The following KIAA0825 variants were observed in gnomAD, a reference collection of about 807,000 sequenced individuals.
KIAA0825 encodes uncharacterized protein KIAA0825.
Under a neutral mutation model 147.6 loss-of-function variants are expected in KIAA0825, and 119 were observed. That is an observed-to-expected ratio of 0.81 (90% CI 0.69 to 0.94). The LOEUF (loss-of-function observed/expected upper bound fraction) is 0.94. KIAA0825 is among the 40% of genes least tolerant of loss of function. The pLI is 0.00. For synonymous variants in KIAA0825, 470 were observed against 518.1 expected, an observed-to-expected ratio of 0.91 and a Z score of 1.26; for missense variants, 1,381 against 1,472.7, an observed-to-expected ratio of 0.94 and a Z score of 1.02.
At chr5:94,470,895 C>T (rs973778580) in intron 9 of KIAA0825, among the ~76,000 whole-genome samples, 1 of 152,002 alleles carries the variant, frequency 6.6e-6, no homozygotes, top group African/African-American at 2.4e-5. Context: ...CAAGAAAGAC[C>T]ATATGATAAT....
chr5:94,201,122 G>A (rs1161313282), intron 20 of KIAA0825, among the ~76,000 whole-genome samples: 2 of 150,310 alleles, frequency 1.3e-5, no homozygotes, highest in Admixed American at 6.6e-5. Context: ...TATTTTGGTT[G>A]AAGTGGAAGG....
intron 2 of KIAA0825, among the ~76,000 whole-genome samples, chr5:94,541,598 T>C (rs773960537): frequency 6.6e-6 from 1 of 152,244 alleles, no homozygotes; most frequent in Non-Finnish European, 1.5e-5. Flanking sequence ...ATTCAGTGTT[T>C]CCATACATTG....
At chr5:94,404,594 A>T (rs746819602) in intron 15 of KIAA0825, among the ~76,000 whole-genome samples, 54 of 152,156 alleles carry the variant, frequency 3.5e-4, no homozygotes, top group Admixed American at 1.3e-4. Flanking sequence ...GAATAGAGTA[A>T]CAGCCCTAAA....
intron 3 of KIAA0825, among the ~76,000 whole-genome samples, chr5:94,529,382 A>C (rs1018180843): frequency 3.4e-5 from 5 of 147,266 alleles, no homozygotes; most frequent in African/African-American, 1.2e-4. Flanking sequence ...TATATCTCAT[A>C]TATGTATATA....
chr5:94,280,352 T>G (rs1195272138), intron 20 of KIAA0825, among the ~76,000 whole-genome samples: 3 of 152,102 alleles, frequency 2.0e-5, no homozygotes, highest in African/African-American at 7.2e-5. Flanking sequence ...TTGTTTTGGG[T>G]TCGGTTAGCC....
At chr5:94,188,414 A>C (rs1211235815) in intron 20 of KIAA0825, among the ~76,000 whole-genome samples, 2 of 152,182 alleles carry the variant, frequency 1.3e-5, no homozygotes, top group Non-Finnish European at 2.9e-5. Context: ...AATACCTGTT[A>C]GTAAAAATAA....
intron 20 of KIAA0825, among the ~76,000 whole-genome samples, chr5:94,217,183 A>T (rs1773279166): frequency 6.6e-6 from 1 of 152,226 alleles, no homozygotes. Context: ...TTTAAAATTT[A>T]AATTATTCAT....
intron 20 of KIAA0825, among the ~76,000 whole-genome samples, chr5:94,199,402 C>T (rs147728556): frequency 1.3e-5 from 2 of 152,282 alleles, no homozygotes; most frequent in African/African-American, 4.8e-5. Context: ...AGGTCAAGCA[C>T]CTGTTGCACC....
chr5:94,496,553 A>C (rs1325070197), intron 5 of KIAA0825, among the ~76,000 whole-genome samples: 1 of 152,188 alleles, frequency 6.6e-6, no homozygotes, highest in African/African-American at 2.4e-5. Context: ...ATGGTAGGGT[A>C]GATGTACCTG....
chr5:94,551,290 C>T (rs1003903731), intron 2 of KIAA0825, among the ~76,000 whole-genome samples: 7 of 151,886 alleles, frequency 4.6e-5, no homozygotes, highest in Non-Finnish European at 1.0e-4. Context: ...ATATACAAAC[C>T]TTATTTAATA....
chr5:94,615,452 A>G (rs1319693907), intron 1 of KIAA0825: 8 of 152,212 alleles, frequency 5.3e-5, no homozygotes, highest in Admixed American at 3.3e-4. Context: ...CATTCAAATC[A>G]TAGCTGTGTT....
intron 2 of KIAA0825, among the ~76,000 whole-genome samples, chr5:94,541,682 G>T (rs1286180720): frequency 6.6e-6 from 1 of 152,144 alleles, no homozygotes; most frequent in East Asian, 1.9e-4. Context: ...ACTTGTAAAG[G>T]GTTATAAAAG....
rs567551790 is a variant in KIAA0825, at chr5:94,278,832, T to C, written c.3710+105536A>G. 5.3e-3 allele frequency among the ~76,000 whole-genome samples: 138 copies of C among 25,796 alleles called. 3 individuals carry two copies. The highest frequency in any genetic ancestry group is 0.025 in the Admixed American group (63 of 2,544). The allele number at this position is 25,796 out of a possible 152,430, so 16.9% of individuals were successfully genotyped here. ...TCTGTTTTGTCTCAAATTATCTGAA[T>C]ACTTTCCTAAATTTCAATTCTGTTC... On this transcript the variant is annotated intron_variant, in intron 20 of 20. Coordinates refer to ENST00000682413, the MANE Select transcript of KIAA0825 (RefSeq NM_001145678.3).
At chr5:94,424,222 T>C (rs1198967342) in intron 14 of KIAA0825, among the ~76,000 whole-genome samples, 1 of 152,138 alleles carries the variant, frequency 6.6e-6, no homozygotes, top group Non-Finnish European at 1.5e-5. Flanking sequence ...ATAAAACTTA[T>C]ATTAAATATA....
chr5:94,213,764 C>T (rs1026347991), intron 20 of KIAA0825, among the ~76,000 whole-genome samples: 3 of 152,178 alleles, frequency 2.0e-5, no homozygotes, highest in Non-Finnish European at 4.4e-5. Flanking sequence ...TCTAGCCTGG[C>T]CTGGCCAACT....
chr5:94,310,484 T>C (rs566699322), intron 20 of KIAA0825, among the ~76,000 whole-genome samples: 1 of 151,892 alleles, frequency 6.6e-6, no homozygotes, highest in African/African-American at 2.4e-5. Context: ...TTATATTTTT[T>C]AAAATAGTTT....
At chr5:94,452,168 A>C (rs1338774938) in intron 13 of KIAA0825, among the ~76,000 whole-genome samples, 2 of 152,176 alleles carry the variant, frequency 1.3e-5, no homozygotes, top group Non-Finnish European at 2.9e-5. Context: ...TTCATTACCC[A>C]TATGGAAATA....
At chr5:94,330,453 A>G (rs1174558958) in intron 20 of KIAA0825, among the ~76,000 whole-genome samples, 3 of 152,192 alleles carry the variant, frequency 2.0e-5, no homozygotes, top group Non-Finnish European at 4.4e-5. Flanking sequence ...CAAATATTAA[A>G]AATGTAAATA....
intron 14 of KIAA0825, among the ~76,000 whole-genome samples, chr5:94,429,765 C>T (rs1755412716): frequency 6.6e-6 from 1 of 152,190 alleles, no homozygotes; most frequent in African/African-American, 2.4e-5. Flanking sequence ...AGGGAAAATC[C>T]AATGAAGCAG....
Sources: allele counts gnomAD v4.1 joint callset (sites outside exome capture counted in the v4.1 genomes callset), GRCh38; gene constraint gnomAD v4.1.1; transcripts MANE v1.5; gene names NCBI Gene and HGNC (gene_info 2026-07-23, HGNC 2026-07-21).